ATP4A: variants seen among roughly 807,000 people sequenced by gnomAD.
The protein encoded by ATP4A is ATPase H+/K+ transporting subunit alpha, also known as potassium-transporting ATPase alpha chain 1.
ATP4A carries 73 observed loss-of-function variants against 112.1 expected under a neutral mutation model. That is an observed-to-expected ratio of 0.65 (90% confidence interval 0.54 to 0.79). ATP4A has a LOEUF of 0.79. Ranked by LOEUF, ATP4A falls within the 30% of genes least tolerant of loss-of-function variation. The probability of loss-of-function intolerance (pLI) is 0.00; values close to 1 mark genes in which losing one functional copy is unlikely to be tolerated. For synonymous variants in ATP4A, 588 were observed against 588.9 expected (o/e 1.00, Z 0.02); for missense variants, 1,081 against 1,425.9 (o/e 0.76, Z 3.90).
chr19:35,560,658 GGTGGGA>G lies in ATP4A; in HGVS notation c.535-49_535-44del. Reference sequence around the variant, plus strand: ...CAAAGTTGAGGTGGACGGGGGTGGGGGTGGGAGCTGCTGCATGTGGGGAGGTAAAGG... The same window carrying G: ...CAAAGTTGAGGTGGACGGGGGTGGGGGCTGCTGCATGTGGGGAGGTAAAGG... On this transcript the variant is annotated intron_variant, in intron 5 of 21. Coordinates refer to ENST00000262623, the MANE Select transcript of ATP4A (RefSeq NM_000704.3). The surrounding 1 kb of genome is among the most constrained non-coding windows in gnomAD (Gnocchi z 5.1). 1 of 1,560,454 alleles carries G rather than the reference GGTGGGA, an allele frequency of 6.4e-7. No individual in the cohort carries two copies. The highest frequency in any genetic ancestry group is 8.8e-7 in the Non-Finnish European group (1 of 1,137,840).
rs781628677 is a variant in ATP4A at position 35,560,573 on chromosome 19, C to T, written c.577G>A (p.Ala193Thr). ...AGGTCGCCCACCACCAGTTGGTCAGCGTTGATCTGGAATTTGTCTCCATCG... is the reference window on the plus strand; with the variant it reads ...AGGTCGCCCACCACCAGTTGGTCAGTGTTGATCTGGAATTTGTCTCCATCG... ...IRDGDKFQIN[A>T]DQLVVGDLVE... Residue 193 changes from alanine (A) to threonine (T), a missense_variant, in exon 6 of 22, where the codon GCT becomes ACT. Around this residue, in one of 3 missense-constraint regions of ATP4A, gnomAD observed 850 missense variants for 1,068.2 expected, o/e 0.80. Transcript: ENST00000262623. The surrounding 1 kb of genome is among the most constrained non-coding windows in gnomAD (Gnocchi z 5.1). 8 of 1,553,614 alleles carry T rather than the reference C, an allele frequency of 5.1e-6. No individual in the cohort carries two copies. Among genetic ancestry groups the T allele is most frequent in the South Asian group, 2.2e-5 (2 of 90,216 alleles).
At position 35,555,288 on chromosome 19, in the gene ATP4A, G is replaced by T; in HGVS notation, c.2204C>A (p.Ala735Asp). 6.2e-7 allele frequency: 1 copy of T among 1,614,192 alleles called. No homozygotes were observed. Among genetic ancestry groups the T allele is most frequent in the Non-Finnish European group, 8.5e-7 (1 of 1,180,030 alleles). The change falls in exon 15 of 22, where the codon GCT (alanine) becomes GAT (aspartate). Residue 735 changes from alanine to aspartate, a missense_variant. Physicochemically the swap from Ala to Asp is moderately radical, Grantham distance 126. Around this residue, in one of 3 missense-constraint regions of ATP4A, gnomAD observed 850 missense variants for 1,068.2 expected, o/e 0.80. Coordinates refer to ENST00000262623, the MANE Select transcript of ATP4A (RefSeq NM_000704.3). This position sits in a 1 kb window ranked among gnomAD's most constrained non-coding sequence, Gnocchi z 6.6. ...TACTCCGATGTCTGCCTTCTTCAGA[G>T]CTGGGGAGTCATTCACACCATCCCC... ...VTGDGVNDSP[A>D]LKKADIGVAM...
In ATP4A at chr19:35,558,804, T is replaced by C; in HGVS notation, c.1256-118A>G. ...TCCCCAGACCTGGGTGGAATTGGGT[T>C]CCACCCAACCCTGAGGGACCCAGCC... is the stretch of plus-strand genomic sequence containing the variant. On this transcript the variant is annotated intron_variant, in intron 8 of 21. Transcript: ENST00000262623. The surrounding 1 kb of genome is among the most constrained non-coding windows in gnomAD (Gnocchi z 5.1). 1 of 1,290,578 alleles carries C rather than the reference T, an allele frequency of 7.7e-7. No individual in the cohort carries two copies. 79.9% of individuals were successfully genotyped at this position (1,290,578 alleles called of 1,614,324 possible).
chr19:35,557,634 T>A lies in ATP4A; in HGVS notation c.1693+21A>T. 1 of 1,592,476 alleles carries A rather than the reference T, an allele frequency of 6.3e-7. No individual in the cohort carries two copies. Among genetic ancestry groups the A allele is most frequent in the Non-Finnish European group, 8.5e-7 (1 of 1,169,794 alleles). On this transcript the variant is annotated intron_variant, in intron 11 of 21. Coordinates refer to ENST00000262623, the MANE Select transcript of ATP4A (RefSeq NM_000704.3). This position sits in a 1 kb window ranked among gnomAD's most constrained non-coding sequence, Gnocchi z 4.4. ...GCTCCTCCTCGCACCTGGAGTCTCCTCCCCTGCCCAGGGGTCTCACCGAGC... is the reference window on the plus strand; with the variant it reads ...GCTCCTCCTCGCACCTGGAGTCTCCACCCCTGCCCAGGGGTCTCACCGAGC...
chr19:35,559,246 T>G lies in ATP4A; in HGVS notation c.1057-55A>C. 1.3e-6 allele frequency: 2 copies of G among 1,574,710 alleles called. No individual in the cohort carries two copies. Among genetic ancestry groups the G allele is most frequent in the South Asian group, 1.1e-5 (1 of 90,268 alleles). On this transcript the variant is annotated intron_variant, in intron 7 of 21. Coordinates refer to ENST00000262623, the MANE Select transcript of ATP4A (RefSeq NM_000704.3). The surrounding 1 kb of genome is among the most constrained non-coding windows in gnomAD (Gnocchi z 4.1). The stretch of plus-strand genomic sequence containing the variant: ...GGACCCACCCTGGCTTCCAGTCCTC[T>G]TCCCCGCGTCAAAGAACGGGGAAGG...
chr19:35,551,655 GC>G lies in ATP4A; in HGVS notation c.2752-76del. On this transcript the variant is annotated intron_variant, in intron 18 of 21. Transcript: ENST00000262623. This position sits in a 1 kb window ranked among gnomAD's most constrained non-coding sequence, Gnocchi z 5.2. ...GCGGAGAGCCTCTGCAGCCCACCGG[GC>G]ATAGGGTCCCAGGGCCGTGAACCCC... 1 of 1,553,554 alleles carries G rather than the reference GC, an allele frequency of 6.4e-7. No homozygotes were observed. Among genetic ancestry groups the G allele is most frequent in the African/African-American group, 1.4e-5 (1 of 73,472 alleles).
In ATP4A at chr19:35,553,687, C is replaced by G. The variant is rs750769190; in HGVS notation, c.2605+19G>C. 2 of 1,612,006 alleles carry G rather than the reference C, an allele frequency of 1.2e-6. No homozygotes were observed. ...GCAGAGCCCCCCACCTCCAGGCTCC[C>G]CGGCCCACGGGCACCCACCAATCTG... On this transcript the variant is annotated intron_variant, in intron 17 of 21. Transcript: ENST00000262623.
At position 35,558,651 on chromosome 19, in the gene ATP4A, C is replaced by T; in HGVS notation, c.1291G>A (p.Ala431Thr). ...TFDQSSETWR[A>T]LCRVLTLCNR... Reference sequence around the variant, plus strand: ...CACAGGGTGAGCACCCGGCACAGCGCCCGCCACGTCTCCGAGGACTGGTCA... The same window carrying T: ...CACAGGGTGAGCACCCGGCACAGCGTCCGCCACGTCTCCGAGGACTGGTCA... Residue 431 changes from alanine to threonine, a missense_variant, in exon 9 of 22, where the codon GCG becomes ACG. By Grantham distance (58) the Ala-to-Thr change is moderately conservative (BLOSUM62 0). This residue lies in a region of ATP4A where 850 missense variants were observed against 1,068.2 expected (regional missense o/e 0.80). Transcript: ENST00000262623. This position sits in a 1 kb window ranked among gnomAD's most constrained non-coding sequence, Gnocchi z 5.1. 2 of 1,600,362 alleles carry T rather than the reference C, an allele frequency of 1.2e-6. No individual in the cohort carries two copies. Among genetic ancestry groups the T allele is most frequent in the Non-Finnish European group, 8.5e-7 (1 of 1,175,628 alleles).
At position 35,553,690 on chromosome 19, in the gene ATP4A, G is replaced by A. The variant is rs778418692; in HGVS notation, c.2605+16C>T. Reference sequence around the variant, plus strand: ...GAGCCCCCCACCTCCAGGCTCCCCGGCCCACGGGCACCCACCAATCTGGAA... The same window carrying A: ...GAGCCCCCCACCTCCAGGCTCCCCGACCCACGGGCACCCACCAATCTGGAA... On this transcript the variant is annotated intron_variant, in intron 17 of 21. Transcript: ENST00000262623. 1.3e-5 allele frequency: 21 copies of A among 1,612,326 alleles called. No individual in the cohort carries two copies. Among genetic ancestry groups the A allele is most frequent in the Non-Finnish European group, 1.6e-5 (19 of 1,179,414 alleles).
At position 35,551,927 on chromosome 19, in the gene ATP4A, G is replaced by A. The variant is rs1200765377; in HGVS notation, c.2752-347C>T. 6.6e-6 allele frequency among the ~76,000 whole-genome samples: 1 copy of A among 152,228 alleles called. No homozygotes were observed. The highest frequency in any genetic ancestry group is 2.4e-5 in the African/African-American group (1 of 41,470). Reference sequence around the variant, plus strand: ...CCTCAGATGGGATTTGCAAAGTCCAGTGACTCCAGGGGCCAGGCAGATGGC... The same window carrying A: ...CCTCAGATGGGATTTGCAAAGTCCAATGACTCCAGGGGCCAGGCAGATGGC... On this transcript the variant is annotated intron_variant, in intron 18 of 21. Coordinates refer to ENST00000262623, the MANE Select transcript of ATP4A (RefSeq NM_000704.3). This position sits in a 1 kb window ranked among gnomAD's most constrained non-coding sequence, Gnocchi z 5.2.
At position 35,558,939 on chromosome 19, in the gene ATP4A, T is replaced by C. The variant is rs373019649; in HGVS notation, c.1255+54A>G. ...CCCTACCTCCCTATCCCTCTTCAGG[T>C]CTCCACCATCCACCAGATCCTGCCC... On this transcript the variant is annotated intron_variant, in intron 8 of 21. Transcript: ENST00000262623. The surrounding 1 kb of genome is among the most constrained non-coding windows in gnomAD (Gnocchi z 5.1). 1.8e-4 allele frequency: 293 copies of C among 1,601,138 alleles called. 1 individual carries two copies. In the East Asian group the frequency reaches 5.5e-3, roughly 30 times the overall value.
Position 35,551,629 on chromosome 19 carries a change from G to C in ATP4A, c.2752-49C>G. On this transcript the variant is annotated intron_variant, in intron 18 of 21. Coordinates refer to ENST00000262623, the MANE Select transcript of ATP4A (RefSeq NM_000704.3). The surrounding 1 kb of genome is among the most constrained non-coding windows in gnomAD (Gnocchi z 5.2). Reference sequence around the variant, plus strand: ...ACAGCCTGAGTCCAGCCTGAGTCCCGGCGGAGAGCCTCTGCAGCCCACCGG... The same window carrying C: ...ACAGCCTGAGTCCAGCCTGAGTCCCCGCGGAGAGCCTCTGCAGCCCACCGG... 4 of 1,584,890 alleles carry C rather than the reference G, an allele frequency of 2.5e-6. No homozygotes were observed. The South Asian group carries it at 4.6e-5, about 18-fold the overall frequency.
In ATP4A at chr19:35,560,241, G is replaced by A. The variant is rs1217950149; in HGVS notation, c.787+122C>T. ...TGTGCCCTGGGGAGGTGGCAGTCAC[G>A]GGGAGGTGGCAGTCATGCAGGAGAG... is the stretch of plus-strand genomic sequence containing the variant. On this transcript the variant is annotated intron_variant, in intron 6 of 21. Transcript: ENST00000262623. The surrounding 1 kb of genome is among the most constrained non-coding windows in gnomAD (Gnocchi z 5.1). 7.8e-6 allele frequency: 12 copies of A among 1,539,134 alleles called. No homozygotes were observed. Among genetic ancestry groups the A allele is most frequent in the Non-Finnish European group, 9.7e-6 (11 of 1,138,768 alleles).
Position 35,551,096 on chromosome 19 carries a change from C to A in ATP4A, c.2901G>T (p.Val967=). 1 of 1,610,268 alleles carries A rather than the reference C, an allele frequency of 6.2e-7. No individual in the cohort carries two copies. Among genetic ancestry groups the A allele is most frequent in the South Asian group, 1.1e-5 (1 of 90,260 alleles). The change falls in exon 20 of 22, where the codon GTG becomes GTT. Residue 967 remains valine, a synonymous_variant. Transcript: ENST00000262623. The surrounding 1 kb of genome is among the most constrained non-coding windows in gnomAD (Gnocchi z 5.2). ...QQGFFRNKIL[V]IAIVFQVCIG... ...TGCAGACCTGGAACACGATGGCGAT[C>A]ACCAGGATCTTATTCCTGGGGGTGG...
At chr19:35,554,141 G>A (rs1422471909) in intron 16 of ATP4A, among the ~76,000 whole-genome samples, 1 of 151,886 alleles carries the variant, frequency 6.6e-6, no homozygotes, top group African/African-American at 2.4e-5. Context: ...GACTGTATCT[G>A]CTCTTGTGTA....
rs1218521974 is a variant in ATP4A at position 35,559,111 on chromosome 19, G to A, written c.1137C>T (p.Gly379=). Reference sequence around the variant, plus strand: ...TGTCCGAGCAGATCACCGAAGTGGAGCCCAATGTCTCCACCGCCTCCAGGT... The same window carrying A: ...TGTCCGAGCAGATCACCGAAGTGGAACCCAATGTCTCCACCGCCTCCAGGT... ...VKNLEAVETL[G]STSVICSDKT... Residue 379 remains glycine, a synonymous_variant, in exon 8 of 22, where the codon GGC becomes GGT. Coordinates refer to ENST00000262623, the MANE Select transcript of ATP4A (RefSeq NM_000704.3). The surrounding 1 kb of genome is among the most constrained non-coding windows in gnomAD (Gnocchi z 4.1). 3 of 1,614,076 alleles carry A rather than the reference G, an allele frequency of 1.9e-6. No homozygotes were observed. Among genetic ancestry groups the A allele is most frequent in the African/African-American group, 1.3e-5 (1 of 74,934 alleles).
Position 35,555,131 on chromosome 19 carries a change from C to T in ATP4A, c.2326+35G>A. 4 of 1,614,004 alleles carry T rather than the reference C, an allele frequency of 2.5e-6. No individual in the cohort carries two copies. The highest frequency in any genetic ancestry group is 3.4e-6 in the Non-Finnish European group (4 of 1,179,958). ...CTCACAGCCCTCTCCCTCCTGTGCC[C>T]ACACTGCCTGCCCTCCCCCTGGCGT... is the stretch of plus-strand genomic sequence containing the variant. On this transcript the variant is annotated intron_variant, in intron 15 of 21. Coordinates refer to ENST00000262623, the MANE Select transcript of ATP4A (RefSeq NM_000704.3). The surrounding 1 kb of genome is among the most constrained non-coding windows in gnomAD (Gnocchi z 6.6).
intron 3 of ATP4A, 75 bp downstream of exon 3, chr19:35,563,126 CTCTCTCCA>C (rs1347070418): frequency 1.1e-5 from 16 of 1,505,374 alleles, no homozygotes; most frequent in African/African-American, 1.4e-5. Flanking sequence ...CTCTCTCTCC[CTCTCTCCA>C]TCTCCCTCCT....
chr19:35,551,652 C>T lies in ATP4A; in HGVS notation c.2752-72G>A, dbSNP rs45550738. Reference sequence around the variant, plus strand: ...CCGGCGGAGAGCCTCTGCAGCCCACCGGGCATAGGGTCCCAGGGCCGTGAA... The same window carrying T: ...CCGGCGGAGAGCCTCTGCAGCCCACTGGGCATAGGGTCCCAGGGCCGTGAA... On this transcript the variant is annotated intron_variant, in intron 18 of 21. Transcript: ENST00000262623. The surrounding 1 kb of genome is among the most constrained non-coding windows in gnomAD (Gnocchi z 5.2). 5 of 1,556,598 alleles carry T rather than the reference C, an allele frequency of 3.2e-6. No individual in the cohort carries two copies. Among genetic ancestry groups the T allele is most frequent in the African/African-American group, 1.4e-5 (1 of 73,606 alleles).
Sources: allele counts gnomAD v4.1 joint callset (sites outside exome capture counted in the v4.1 genomes callset), GRCh38; gene constraint gnomAD v4.1.1; regional missense constraint gnomAD v4.1.1; non-coding constraint Gnocchi (gnomAD v3.1); transcripts MANE v1.5; gene names NCBI Gene and HGNC (gene_info 2026-07-23, HGNC 2026-07-21).